The following ELF2 variants were observed in gnomAD, a reference collection of about 807,000 sequenced individuals.
The protein encoded by ELF2 is ETS-related transcription factor Elf-2.
In ELF2, 11 loss-of-function variants were observed where a neutral mutation model predicts 54.8. That is an observed-to-expected ratio of 0.20 (90% CI 0.13 to 0.33). The LOEUF (loss-of-function observed/expected upper bound fraction) is 0.33, where lower values mean the gene tolerates loss of function less well. Ranked by LOEUF, ELF2 falls within the 10% of genes least tolerant of loss-of-function variation. The pLI is 1.00. For synonymous variants in ELF2, 203 were observed against 245.1 expected (o/e 0.83, Z 1.61); for missense variants, 513 against 703.0 (o/e 0.73, Z 3.06).
intron 2 of ELF2, among the ~76,000 whole-genome samples, chr4:139,138,102 A>G (rs535447427): frequency 6.6e-4 from 101 of 152,296 alleles, no homozygotes; most frequent in African/African-American, 2.2e-3. Flanking sequence ...AGGTAGTATT[A>G]TGATATTCAT....
At chr4:139,139,986 G>C (rs1289149386) in intron 1 of ELF2, among the ~76,000 whole-genome samples, 1 of 152,194 alleles carries the variant, frequency 6.6e-6, no homozygotes, top group Non-Finnish European at 1.5e-5. Flanking sequence ...CTGGATCGCA[G>C]TGGTGAGATC....
intron 1 of ELF2, among the ~76,000 whole-genome samples, chr4:139,151,032 A>AAAAAAAAGAAAGGAAAGAAAGAAAGAAAG (rs1301387000): frequency 9.8e-6 from 1 of 102,508 alleles, no homozygotes; most frequent in African/African-American, 5.1e-5. Context: ...TCAAAAAAAA[A>AAAAAAAAGAAAGGAAAGAAAGAAAGAAAG]AAAGAAAGAA....
At chr4:139,091,637 T>C (rs979202653) in intron 4 of ELF2, among the ~76,000 whole-genome samples, 1 of 152,014 alleles carries the variant, frequency 6.6e-6, no homozygotes, top group Non-Finnish European at 1.5e-5. Flanking sequence ...GTGTGTACCA[T>C]TGCACCCGGC....
chr4:139,143,159 T>TG (rs1738882985), intron 1 of ELF2, among the ~76,000 whole-genome samples: 1 of 152,200 alleles, frequency 6.6e-6, no homozygotes, highest in East Asian at 1.9e-4. Context: ...TCGGTCATTC[T>TG]AGCTCTCAGC....
rs1470809724 is a variant in ELF2 at position 139,058,177 on chromosome 4, C to A, written c.*806G>T. The A allele has an allele frequency of 6.6e-6, 1 of 152,460 alleles. No homozygotes were observed. The highest frequency in any genetic ancestry group is 1.5e-5 in the Non-Finnish European group (1 of 68,006). 9.4% of individuals were successfully genotyped at this position (152,460 alleles called of 1,614,324 possible). On this transcript the variant is annotated 3_prime_UTR_variant, in exon 10 of 10. Transcript: ENST00000686138. ...TGTTACAGCAAAAGGCCAGAGCCAA[C>A]TGTTAATTTGTCCACAATTAAGAAA... is the stretch of plus-strand genomic sequence containing the variant.
intron 3 of ELF2, among the ~76,000 whole-genome samples, chr4:139,134,618 A>AT (rs1553967913): frequency 3.5e-4 from 10 of 28,482 alleles, no homozygotes; most frequent in African/African-American, 1.2e-3. Flanking sequence ...ATTTTATTTT[A>AT]TTTATTTTAT....
At chr4:139,144,666 A>G (rs1739051599) in intron 1 of ELF2, among the ~76,000 whole-genome samples, 1 of 152,190 alleles carries the variant, frequency 6.6e-6, no homozygotes, top group East Asian at 1.9e-4. Context: ...TCTGAGTGAG[A>G]GACTTGCCTT....
Position 139,057,607 on chromosome 4 carries a change from C to CA in ELF2, c.*1375dup, listed in dbSNP as rs890780494. 2 of 152,050 alleles carry CA rather than the reference C, an allele frequency of 1.3e-5. No homozygotes were observed. The highest frequency in any genetic ancestry group is 4.8e-5 in the African/African-American group (2 of 41,396). 9.4% of individuals were successfully genotyped at this position (152,050 alleles called of 1,614,324 possible). On this transcript the variant is annotated 3_prime_UTR_variant, in exon 10 of 10. Coordinates refer to ENST00000686138, the MANE Select transcript of ELF2 (RefSeq NM_001331036.3). ...GAAACAAATGGTTTAAAGTGTTTTA[C>CA]AAATATAAATTCTTTAAGTGCAGCC...
At chr4:139,073,392 C>A in intron 5 of ELF2, 62 bp downstream of exon 5, 2 of 1,231,754 alleles carry the variant, frequency 1.6e-6, no homozygotes, top group Non-Finnish European at 2.2e-6. Context: ...AAACAAAAAA[C>A]TTTATTTTAG....
intron 1 of ELF2, chr4:139,155,443 C>G (rs1250554109): frequency 6.6e-6 from 1 of 151,998 alleles, no homozygotes; most frequent in East Asian, 1.9e-4. Flanking sequence ...GTCCCCATCT[C>G]GGAAAACAAT....
At chr4:139,073,600 A>G in intron 4 of ELF2, 33 bp from the exon 5 acceptor site, 1 of 1,341,264 alleles carries the variant, frequency 7.5e-7, no homozygotes, top group Non-Finnish European at 1.0e-6. Context: ...TCAATTAAAA[A>G]TACACTAAAC....
At chr4:139,096,845 T>C in intron 4 of ELF2, among the ~76,000 whole-genome samples, 1 of 152,072 alleles carries the variant, frequency 6.6e-6, no homozygotes, top group Non-Finnish European at 1.5e-5. Context: ...TAGTATTCTT[T>C]CATGGTTTTT....
chr4:139,089,755 C>T (rs1414550093), intron 4 of ELF2, among the ~76,000 whole-genome samples: 1 of 152,184 alleles, frequency 6.6e-6, no homozygotes, highest in Non-Finnish European at 1.5e-5. Context: ...TTTTATTCAT[C>T]ACATTATCTA....
chr4:139,116,738 G>C (rs1360741593), intron 4 of ELF2: 2 of 984,986 alleles, frequency 2.0e-6, no homozygotes, highest in Non-Finnish European at 2.4e-6. Context: ...TTTTCATGTC[G>C]ATCTTCTACC....
chr4:139,122,484 T>C (rs1399124062), intron 4 of ELF2, among the ~76,000 whole-genome samples: 1 of 116,052 alleles, frequency 8.6e-6, no homozygotes, highest in African/African-American at 3.6e-5. Context: ...ATGCATTTGA[T>C]TCTTTTTTTA....
In ELF2 at chr4:139,160,080, G is replaced by C. The variant is rs530784958; in HGVS notation, c.-252+16887C>G. On this transcript the variant is annotated intron_variant, in intron 1 of 9. Transcript: ENST00000686138. ...AGGCCAGGCGCAGTGGCTCACGCCT[G>C]TAATCCCAGCACTTTGGGAGGCCAA... 2.6e-5 allele frequency among the ~76,000 whole-genome samples: 4 copies of C among 152,352 alleles called. No individual in the cohort carries two copies. In the South Asian group the frequency reaches 8.3e-4, roughly 32 times the overall value.
chr4:139,061,181 T>A (rs1051045427), intron 8 of ELF2, among the ~76,000 whole-genome samples: 7 of 150,000 alleles, frequency 4.7e-5, no homozygotes, highest in Non-Finnish European at 8.9e-5. Flanking sequence ...CTGATAATTT[T>A]TTTTTTTTTT....
intron 4 of ELF2, 46 bp downstream of exon 4, chr4:139,125,118 C>T: frequency 6.4e-7 from 1 of 1,570,872 alleles, no homozygotes; most frequent in East Asian, 2.3e-5. Flanking sequence ...TTGAAGCTTA[C>T]AAAATGAGAA....
At position 139,177,125 on chromosome 4, in the gene ELF2, GCCGCCCCGCGCA is replaced by G. The variant is rs1743038893; in HGVS notation, c.-422_-411del. On this transcript the variant is annotated 5_prime_UTR_variant, in exon 1 of 10. Transcript: ENST00000686138. ...AGAGAAGGAGACAAAACAGAGGCTC[GCCGCCCCGCGCA>G]GCGACCCCCGCCCGCGCCGCCCCAC... 1 of 151,318 alleles carries G rather than the reference GCCGCCCCGCGCA, an allele frequency of 6.6e-6. No homozygotes were observed. Among genetic ancestry groups the G allele is most frequent in the Non-Finnish European group, 1.5e-5 (1 of 67,742 alleles). 9.4% of individuals were successfully genotyped at this position (151,318 alleles called of 1,614,324 possible).
Sources: allele counts gnomAD v4.1 joint callset (sites outside exome capture counted in the v4.1 genomes callset), GRCh38; gene constraint gnomAD v4.1.1; transcripts MANE v1.5; gene names NCBI Gene and HGNC (gene_info 2026-07-23, HGNC 2026-07-21).